GPC5: variants seen among roughly 807,000 people sequenced by gnomAD.
GPC5 encodes the protein glypican 5, also known as glypican-5.
In GPC5, 47 loss-of-function variants were observed where a neutral mutation model predicts 53.9. The ratio of observed to expected loss-of-function variants is 0.87; its 90% CI spans 0.69 to 1.11. The LOEUF (loss-of-function observed/expected upper bound fraction) is 1.11, where lower values mean the gene tolerates loss of function less well. Ranked by LOEUF, GPC5 falls within the 50% of genes most tolerant of loss-of-function variation. GPC5 has a pLI of 0.00. For missense variants in GPC5, 748 were observed against 713.1 expected, an observed-to-expected ratio of 1.05 and a Z score of -0.56; for synonymous variants, 286 against 263.3, an observed-to-expected ratio of 1.09 and a Z score of -0.84.
intron 7 of GPC5, among the ~76,000 whole-genome samples, chr13:92,858,481 T>TA (rs1316520416): frequency 1.3e-5 from 2 of 152,044 alleles, no homozygotes; most frequent in African/African-American, 4.8e-5. Context: ...CATGCAGCTA[T>TA]AAAAAAATGA....
At chr13:91,992,832 A>G (rs932733146) in intron 6 of GPC5, among the ~76,000 whole-genome samples, 1 of 152,196 alleles carries the variant, frequency 6.6e-6, no homozygotes, top group Non-Finnish European at 1.5e-5. Context: ...CTGCTTGTTC[A>G]ATGGTAACTA....
intron 5 of GPC5, among the ~76,000 whole-genome samples, chr13:91,824,108 A>G (rs1406573079): frequency 6.6e-6 from 1 of 152,082 alleles, no homozygotes; most frequent in Non-Finnish European, 1.5e-5. Context: ...GTCTTCAGGG[A>G]AAGAATAAGA....
At chr13:92,545,401 GCA>G (rs1882073268) in intron 7 of GPC5, among the ~76,000 whole-genome samples, 4 of 152,120 alleles carry the variant, frequency 2.6e-5, no homozygotes, top group African/African-American at 9.7e-5. Context: ...TGTCTTTATA[GCA>G]GCATGTTTTA....
At chr13:91,592,345 A>T (rs2139171552) in intron 2 of GPC5, among the ~76,000 whole-genome samples, 1 of 152,270 alleles carries the variant, frequency 6.6e-6, no homozygotes, top group Middle Eastern at 3.4e-3. Context: ...TGAGGGAGGA[A>T]GAGAGGTAAC....
chr13:92,614,122 A>T (rs1884600624), intron 7 of GPC5, among the ~76,000 whole-genome samples: 1 of 151,936 alleles, frequency 6.6e-6, no homozygotes, highest in Admixed American at 6.6e-5. Context: ...CACCCTATCA[A>T]CTCTCACTCA....
chr13:91,423,898 A>C (rs1434853560), intron 1 of GPC5, among the ~76,000 whole-genome samples: 1 of 152,226 alleles, frequency 6.6e-6, no homozygotes, highest in Non-Finnish European at 1.5e-5. Context: ...GAAGTCTATT[A>C]TATGCATACA....
chr13:91,664,926 A>G (rs981805721), intron 2 of GPC5, among the ~76,000 whole-genome samples: 2 of 152,198 alleles, frequency 1.3e-5, no homozygotes, highest in African/African-American at 4.8e-5. Flanking sequence ...GAAGCTTCCC[A>G]CTTCATTCTC....
chr13:92,108,159 A>G (rs2041524954), intron 6 of GPC5, among the ~76,000 whole-genome samples: 1 of 152,002 alleles, frequency 6.6e-6, no homozygotes, highest in African/African-American at 2.4e-5. Flanking sequence ...TTCTTTACAT[A>G]TTTTCTTGAA....
chr13:92,338,670 T>A (rs2043342151), intron 7 of GPC5, among the ~76,000 whole-genome samples: 2 of 152,074 alleles, frequency 1.3e-5, no homozygotes, highest in Non-Finnish European at 2.9e-5. Context: ...TCCCACAATA[T>A]GAGATTCTGT....
chr13:92,514,277 T>G (rs988271252), intron 7 of GPC5, among the ~76,000 whole-genome samples: 48 of 152,004 alleles, frequency 3.2e-4, no homozygotes, highest in African/African-American at 1.1e-3. Context: ...AGGGATAACA[T>G]TCTAAGCTGG....
intron 7 of GPC5, among the ~76,000 whole-genome samples, chr13:92,296,138 A>G (rs547019060): frequency 4.6e-5 from 7 of 152,270 alleles, no homozygotes; most frequent in Non-Finnish European, 1.0e-4. Flanking sequence ...TCTCTCAGCC[A>G]TGTATACCAG....
chr13:92,231,043 T>C (rs546583949), intron 7 of GPC5, among the ~76,000 whole-genome samples: 1 of 152,316 alleles, frequency 6.6e-6, no homozygotes, highest in East Asian at 1.9e-4. Context: ...GGCTTTGCTC[T>C]TTCTGTGACT....
intron 7 of GPC5, among the ~76,000 whole-genome samples, chr13:92,353,481 A>C (rs2043497739): frequency 1.3e-5 from 2 of 152,156 alleles, no homozygotes; most frequent in African/African-American, 4.8e-5. Flanking sequence ...AAAGTAAGGA[A>C]AGGACAAGCA....
At chr13:91,467,514 GCT>G (rs1185273965) in intron 2 of GPC5, among the ~76,000 whole-genome samples, 1 of 151,814 alleles carries the variant, frequency 6.6e-6, no homozygotes, top group Admixed American at 6.6e-5. Context: ...CCCTTCTTAT[GCT>G]CTCAGTTCTC....
rs114268139 is a variant in GPC5 at position 92,002,011 on chromosome 13, G to T, written c.1401+93954G>T. ...TGGACAATAAAGAGTAAGCCTTTCT[G>T]TGCCTGTACATCTGCTGTCCTCCAC... On this transcript the variant is annotated intron_variant, in intron 6 of 7. Coordinates refer to ENST00000377067, the MANE Select transcript of GPC5 (RefSeq NM_004466.6). Among the ~76,000 whole-genome samples, 1,123 of 152,294 alleles carry T rather than the reference G, an allele frequency of 7.4e-3. 13 individuals carry two copies. Among genetic ancestry groups the T allele is most frequent in the African/African-American group, 0.025 (1,042 of 41,556 alleles).
At chr13:91,443,822 G>C (rs1880606619) in intron 1 of GPC5, among the ~76,000 whole-genome samples, 1 of 152,160 alleles carries the variant, frequency 6.6e-6, no homozygotes, top group African/African-American at 2.4e-5. Flanking sequence ...TCAAATTCAA[G>C]ATTACAGAGT....
intron 7 of GPC5, among the ~76,000 whole-genome samples, chr13:92,555,276 A>G (rs555033864): frequency 6.6e-6 from 1 of 151,672 alleles, no homozygotes; most frequent in East Asian, 1.9e-4. Flanking sequence ...TGATAGAATA[A>G]GACATCCTGA....
intron 7 of GPC5, among the ~76,000 whole-genome samples, chr13:92,559,409 A>C (rs1048865736): frequency 6.7e-6 from 1 of 149,524 alleles, no homozygotes; most frequent in African/African-American, 2.5e-5. Flanking sequence ...TCTGCATACT[A>C]TGATGTTTTC....
chr13:92,444,981 A>G (rs993976162), intron 7 of GPC5, among the ~76,000 whole-genome samples: 2 of 152,158 alleles, frequency 1.3e-5, no homozygotes, highest in Non-Finnish European at 2.9e-5. Flanking sequence ...TGGCATACAT[A>G]GTCCTCTGGT....
Sources: gnomAD v4.1 joint callset for allele counts (sites outside exome capture counted in the v4.1 genomes callset) on GRCh38, gnomAD v4.1.1 for gene constraint, MANE v1.5 for transcripts, NCBI Gene and HGNC (gene_info 2026-07-23, HGNC 2026-07-21) for gene names.